Variants in TBC1D19 observed in about 807,000 individuals in gnomAD.
TBC1D19 encodes TBC1 domain family member 19.
A neutral mutation model predicts 89.0 loss-of-function variants in TBC1D19; 60 were observed. The ratio of observed to expected loss-of-function variants is 0.67; its 90% CI spans 0.55 to 0.84. The LOEUF (loss-of-function observed/expected upper bound fraction) is 0.84. Ranked by LOEUF, TBC1D19 falls within the 40% of genes least tolerant of loss-of-function variation. The pLI, the probability that TBC1D19 is intolerant of heterozygous loss-of-function variation, is 0.00. For missense variants in TBC1D19, 500 were observed against 610.8 expected (o/e 0.82, Z 1.91); for synonymous variants, 189 against 199.7 (o/e 0.95, Z 0.45).
chr4:26,853,378 A>G, the TBC1D19 span, among the ~76,000 whole-genome samples: 1 of 152,152 alleles, frequency 6.6e-6, no homozygotes, highest in African/African-American at 2.4e-5. Flanking sequence ...TATCTAATAT[A>G]CAACATATTT....
the TBC1D19 span, chr4:26,857,548 A>G: frequency 6.6e-6 from 1 of 152,098 alleles, no homozygotes; most frequent in African/African-American, 2.4e-5. Flanking sequence ...CCACGCGGTG[A>G]CGCCATCTCG....
the TBC1D19 span, among the ~76,000 whole-genome samples, chr4:26,788,224 G>A: frequency 1.3e-5 from 2 of 152,178 alleles, no homozygotes; most frequent in African/African-American, 4.8e-5. Flanking sequence ...CACACAGGGG[G>A]GCTGACACAG....
chr4:26,734,398 GTTTGCAA>G (rs1717841998), intron 15 of TBC1D19, among the ~76,000 whole-genome samples: 1 of 152,110 alleles, frequency 6.6e-6, no homozygotes, highest in South Asian at 2.1e-4. Flanking sequence ...TCTGTGCTGT[GTTTGCAA>G]CCTGATTTAG....
chr4:26,635,339 G>T (rs1396663252), intron 4 of TBC1D19, among the ~76,000 whole-genome samples: 1 of 152,012 alleles, frequency 6.6e-6, no homozygotes, highest in East Asian at 1.9e-4. Flanking sequence ...GAATGTGGAA[G>T]GTAGGTTGTA....
At chr4:26,842,494 C>T in the TBC1D19 span, among the ~76,000 whole-genome samples, 29 of 151,580 alleles carry the variant, frequency 1.9e-4, no homozygotes, top group South Asian at 4.2e-3. Context: ...TGCACCACCA[C>T]ACCTGGCTTT....
intron 13 of TBC1D19, among the ~76,000 whole-genome samples, chr4:26,716,947 A>G (rs1317902510): frequency 6.6e-6 from 1 of 152,002 alleles, no homozygotes; most frequent in African/African-American, 2.4e-5. Context: ...TGCCCAGCCA[A>G]TACTCTGTAT....
At chr4:26,690,080 C>A (rs1714147180) in intron 13 of TBC1D19, among the ~76,000 whole-genome samples, 1 of 152,144 alleles carries the variant, frequency 6.6e-6, no homozygotes, top group Non-Finnish European at 1.5e-5. Flanking sequence ...AGCCTTGTTG[C>A]TGATATGGAG....
the TBC1D19 span, among the ~76,000 whole-genome samples, chr4:26,807,502 G>C: frequency 6.6e-6 from 1 of 152,156 alleles, no homozygotes; most frequent in East Asian, 1.9e-4. Context: ...TATAGATCGA[G>C]CTGCTTCATT....
intron 19 of TBC1D19, among the ~76,000 whole-genome samples, chr4:26,749,976 G>C (rs1018539173): frequency 1.3e-5 from 2 of 152,158 alleles, no homozygotes; most frequent in East Asian, 3.9e-4. Context: ...AATCTAGCAA[G>C]AGAAGGAATC....
chr4:26,638,166 C>T (rs1338742560), intron 5 of TBC1D19, among the ~76,000 whole-genome samples: 1 of 148,590 alleles, frequency 6.7e-6, no homozygotes, highest in Non-Finnish European at 1.5e-5. Flanking sequence ...TTCTTTGTAG[C>T]TGCTCACAAG....
chr4:26,678,151 A>T (rs1212809027), intron 11 of TBC1D19, among the ~76,000 whole-genome samples: 9 of 152,318 alleles, frequency 5.9e-5, no homozygotes, highest in South Asian at 2.1e-4. Flanking sequence ...CAAAATGTTG[A>T]TAGTGATATG....
chr4:26,781,207 G>A, the TBC1D19 span, among the ~76,000 whole-genome samples: 44 of 152,158 alleles, frequency 2.9e-4, 1 homozygote, highest in Non-Finnish European at 1.5e-5. Flanking sequence ...AGGTGATTCT[G>A]GTGCAAGTCC....
At chr4:26,811,691 G>A in the TBC1D19 span, among the ~76,000 whole-genome samples, 1 of 152,200 alleles carries the variant, frequency 6.6e-6, no homozygotes, top group Admixed American at 6.5e-5. Flanking sequence ...CCATTTTTGT[G>A]GTTAATTCTT....
At chr4:26,624,205 G>A (rs547059072) in intron 4 of TBC1D19, among the ~76,000 whole-genome samples, 1 of 152,124 alleles carries the variant, frequency 6.6e-6, no homozygotes, top group South Asian at 2.1e-4. Flanking sequence ...CCTGTTTTGT[G>A]TTACAAAAGT....
In TBC1D19 at chr4:26,666,421, A is replaced by G. The variant is rs1451577094; in HGVS notation, c.664+16A>G. The G allele has an allele frequency of 8.1e-6, 13 of 1,598,826 alleles. No homozygotes were observed. The highest frequency in any genetic ancestry group is 2.2e-5 in the East Asian group (1 of 44,654). ...GTGCCTCCTGGTTAGTATTTTTCCA[A>G]CGGCATATAATTAATGATAAATGAG... is the stretch of plus-strand genomic sequence containing the variant. On this transcript the variant is annotated intron_variant, in intron 9 of 20. Transcript: ENST00000264866.
chr4:26,689,215 T>C (rs906008402), intron 13 of TBC1D19, among the ~76,000 whole-genome samples: 1 of 152,120 alleles, frequency 6.6e-6, no homozygotes, highest in African/African-American at 2.4e-5. Context: ...ATTTATAAAG[T>C]TAAAATTTTA....
intron 18 of TBC1D19, among the ~76,000 whole-genome samples, chr4:26,745,259 G>A (rs1249993562): frequency 6.6e-6 from 1 of 151,682 alleles, no homozygotes; most frequent in South Asian, 2.1e-4. Flanking sequence ...CTATGTGGCA[G>A]TCTGTTTCTT....
chr4:26,823,808 G>A, the TBC1D19 span, among the ~76,000 whole-genome samples: 1 of 152,244 alleles, frequency 6.6e-6, no homozygotes, highest in Non-Finnish European at 1.5e-5. Flanking sequence ...CCAGACCTTA[G>A]GCAGCATCTA....
At chr4:26,757,636 G>A (rs372796795), downstream of TBC1D19, among the ~76,000 whole-genome samples, 122 of 152,282 alleles carry the variant, frequency 8.0e-4, no homozygotes, top group African/African-American at 2.6e-3. Context: ...TTTCCAGCTT[G>A]TCTTAACTTC....
Sources: allele counts gnomAD v4.1 joint callset (sites outside exome capture counted in the v4.1 genomes callset), GRCh38; gene constraint gnomAD v4.1.1; transcripts MANE v1.5; gene names NCBI Gene and HGNC (gene_info 2026-07-23, HGNC 2026-07-21).